The following MEI1 variants were observed in gnomAD, a reference collection of about 807,000 sequenced individuals.
The protein encoded by MEI1 is meiotic double-stranded break formation protein 1, also known as meiosis inhibitor protein 1.
MEI1 carries 103 observed loss-of-function variants against 146.2 expected under a neutral mutation model. The ratio of observed to expected loss-of-function variants is 0.70; its 90% CI spans 0.60 to 0.83. The LOEUF (loss-of-function observed/expected upper bound fraction) is 0.83. Ranked by LOEUF, MEI1 falls within the 40% of genes least tolerant of loss-of-function variation. MEI1 has a pLI of 0.00. For missense variants in MEI1, 1,529 were observed against 1,533.0 expected, an observed-to-expected ratio of 1.00 and a Z score of 0.04; for synonymous variants, 652 against 628.2, an observed-to-expected ratio of 1.04 and a Z score of -0.57.
At chr22:41,781,580 C>A in intron 23 of MEI1, 105 bp from the exon 24 acceptor site, 1 of 1,360,372 alleles carries the variant, frequency 7.4e-7, no homozygotes, top group Non-Finnish European at 9.9e-7. Context: ...CAGGATGATC[C>A]TCTGTTTGTT....
intron 26 of MEI1, among the ~76,000 whole-genome samples, chr22:41,787,129 C>G (rs1384674181): frequency 1.3e-5 from 2 of 152,210 alleles, no homozygotes; most frequent in Non-Finnish European, 2.9e-5. Context: ...GTGATATACT[C>G]AAGGGCAGAG....
At chr22:41,724,191 C>T in intron 7 of MEI1, 118 bp downstream of exon 7, 1 of 1,269,416 alleles carries the variant, frequency 7.9e-7, no homozygotes, top group Non-Finnish European at 1.1e-6. Flanking sequence ...TCTTACTGGG[C>T]AAAATAATAT....
chr22:41,753,338 G>A (rs1328156663), intron 16 of MEI1, among the ~76,000 whole-genome samples: 2 of 151,918 alleles, frequency 1.3e-5, no homozygotes, highest in Admixed American at 1.3e-4. Flanking sequence ...TAATTAGCCA[G>A]ACCTGGTGGT....
intron 30 of MEI1, among the ~76,000 whole-genome samples, chr22:41,798,148 CACACACACACACACACACACACAT>C (rs1166098258): frequency 4.0e-5 from 6 of 150,698 alleles, no homozygotes; most frequent in African/African-American, 9.8e-5. Context: ...CACACACACA[CACACACACACACACACACACACAT>C]AGTGTGTGTC....
At chr22:41,756,382 C>G (rs1211916315) in intron 17 of MEI1, among the ~76,000 whole-genome samples, 1 of 151,992 alleles carries the variant, frequency 6.6e-6, no homozygotes, top group African/African-American at 2.4e-5. Flanking sequence ...AACAATCTAC[C>G]TGCCTTGGAC....
intron 17 of MEI1, among the ~76,000 whole-genome samples, chr22:41,755,396 T>G (rs566195053): frequency 1.3e-5 from 2 of 152,162 alleles, no homozygotes; most frequent in African/African-American, 2.4e-5. Context: ...GGTGAGCATT[T>G]TTATTGCTTC....
Position 41,748,096 on chromosome 22 carries a change from G to A in MEI1, c.1681-11G>A, listed in dbSNP as rs778158084. The A allele has an allele frequency of 1.7e-5, 28 of 1,601,532 alleles. No individual in the cohort carries two copies. In the African/African-American group the frequency reaches 3.5e-4, roughly 20 times the overall value. ...CCCGTGGGCTGTGTTCTCTCTCCTG[G>A]TTCTTTGCAGAGACACTTGGAGCAG... is the stretch of plus-strand genomic sequence containing the variant. On this transcript the variant is annotated splice_polypyrimidine_tract_variant and intron_variant, in intron 14 of 30. Transcript: ENST00000401548.
chr22:41,740,372 C>T (rs1370500058), intron 11 of MEI1, among the ~76,000 whole-genome samples: 1 of 152,068 alleles, frequency 6.6e-6, no homozygotes, highest in African/African-American at 2.4e-5. Context: ...GACGTGGTCC[C>T]TCTGAGGTGG....
At chr22:41,765,807 C>A (rs1041726932) in intron 19 of MEI1, among the ~76,000 whole-genome samples, 1 of 149,384 alleles carries the variant, frequency 6.7e-6, no homozygotes, top group Non-Finnish European at 1.5e-5. Context: ...TGATCAAAAT[C>A]AAGAAATTTA....
chr22:41,700,249 G>A (rs1212824125), intron 1 of MEI1, among the ~76,000 whole-genome samples: 1 of 152,236 alleles, frequency 6.6e-6, no homozygotes, highest in African/African-American at 2.4e-5. Context: ...CAGAAGTGGG[G>A]GTGAACGGGA....
intron 1 of MEI1, among the ~76,000 whole-genome samples, chr22:41,701,016 C>T (rs1356028830): frequency 4.6e-5 from 7 of 150,610 alleles, no homozygotes; most frequent in Non-Finnish European, 8.9e-5. Flanking sequence ...CTCAGCTCAC[C>T]GCAACCTCCG....
rs554921306 is a variant in MEI1, at chr22:41,780,447, G to T, written c.2816-837G>T. ...GGAGTTCCCAAGAGTAAAGGGATAT[G>T]TTCTATAGATATCTACAGTGTAATG... On this transcript the variant is annotated intron_variant, in intron 22 of 30. Coordinates refer to ENST00000401548, the MANE Select transcript of MEI1 (RefSeq NM_152513.4). 1.1e-4 allele frequency among the ~76,000 whole-genome samples: 17 copies of T among 152,160 alleles called. No homozygotes were observed. The South Asian group carries it at 3.3e-3, about 30-fold the overall frequency.
rs958751807 is a variant in MEI1 at position 41,795,044 on chromosome 22, CAG to C, written c.3535-362_3535-361del. The stretch of plus-strand genomic sequence containing the variant: ...AGCTGTGGCTTGAGAGATTAATAGG[CAG>C]AGAGGAGGAAAGGTATTCCAGGTAG... On this transcript the variant is annotated intron_variant, in intron 28 of 30. Transcript: ENST00000401548. The surrounding 1 kb of genome is among the most constrained non-coding windows in gnomAD (Gnocchi z 4.2). Among the ~76,000 whole-genome samples, 1 of 152,116 alleles carries C rather than the reference CAG, an allele frequency of 6.6e-6. No individual in the cohort carries two copies. Among genetic ancestry groups the C allele is most frequent in the African/African-American group, 2.4e-5 (1 of 41,404 alleles).
chr22:41,708,838 AGAT>A (rs1455165879), intron 3 of MEI1, among the ~76,000 whole-genome samples: 13 of 152,216 alleles, frequency 8.5e-5, no homozygotes, highest in African/African-American at 3.1e-4. Context: ...AGGTCCCAAC[AGAT>A]GTCTGGGTCT....
chr22:41,764,623 G>A (rs985916808), intron 19 of MEI1, among the ~76,000 whole-genome samples: 2 of 152,232 alleles, frequency 1.3e-5, no homozygotes, highest in Non-Finnish European at 2.9e-5. Context: ...AAATAGGTGA[G>A]AGGTTCAGTG....
At chr22:41,765,675 C>G (rs1014435092) in intron 19 of MEI1, among the ~76,000 whole-genome samples, 1 of 151,882 alleles carries the variant, frequency 6.6e-6, no homozygotes, top group African/African-American at 2.4e-5. Flanking sequence ...CCATCCCCAC[C>G]CCCTTATTCT....
At chr22:41,775,796 G>A (rs554252364) in intron 20 of MEI1, among the ~76,000 whole-genome samples, 254 of 151,992 alleles carry the variant, frequency 1.7e-3, no homozygotes, top group African/African-American at 5.8e-3. Flanking sequence ...GGGTTTCACC[G>A]TGTTAGCCAG....
At chr22:41,726,882 C>G (rs1184321127) in intron 7 of MEI1, among the ~76,000 whole-genome samples, 1 of 151,760 alleles carries the variant, frequency 6.6e-6, no homozygotes, top group Admixed American at 6.6e-5. Flanking sequence ...CATGCCATTC[C>G]CCTGCCTCAG....
chr22:41,719,261 G>T (rs973770063), intron 6 of MEI1, among the ~76,000 whole-genome samples: 5 of 152,076 alleles, frequency 3.3e-5, no homozygotes, highest in African/African-American at 1.2e-4. Flanking sequence ...GATTACAGGC[G>T]TGAGCCACCG....
Sources: gnomAD v4.1 joint callset for allele counts (sites outside exome capture counted in the v4.1 genomes callset) on GRCh38, gnomAD v4.1.1 for gene constraint, Gnocchi (gnomAD v3.1) non-coding constraint, MANE v1.5 for transcripts, NCBI Gene and HGNC (gene_info 2026-07-23, HGNC 2026-07-21) for gene names.